The following PLD5 variants were observed in gnomAD, a reference collection of about 807,000 sequenced individuals.
The protein encoded by PLD5 is phospholipase D family member 5, also known as inactive phospholipase D5.
Under a neutral mutation model 61.1 loss-of-function variants are expected in PLD5, and 36 were observed. That is an observed-to-expected ratio of 0.59 (90% CI 0.45 to 0.78). PLD5 has a LOEUF of 0.78. Ranked by LOEUF, PLD5 falls within the 30% of genes least tolerant of loss-of-function variation. PLD5 has a pLI of 0.00. For synonymous variants in PLD5, 243 were observed against 242.8 expected (o/e 1.00, Z -0.01); for missense variants, 515 against 644.4 (o/e 0.80, Z 2.17).
At chr1:242,308,588 A>G (rs1676514679) in intron 2 of PLD5, among the ~76,000 whole-genome samples, 1 of 152,204 alleles carries the variant, frequency 6.6e-6, no homozygotes, top group African/African-American at 2.4e-5. Context: ...TATACTATAT[A>G]TATCAGAAAT....
chr1:242,204,166 C>A (rs1203189383), intron 5 of PLD5, among the ~76,000 whole-genome samples: 2 of 151,920 alleles, frequency 1.3e-5, no homozygotes, highest in African/African-American at 4.8e-5. Context: ...TGGCGTGAAC[C>A]CAGGAGGCGA....
At chr1:242,442,093 C>G (rs1666302106) in intron 1 of PLD5, among the ~76,000 whole-genome samples, 3 of 152,132 alleles carry the variant, frequency 2.0e-5, no homozygotes. Flanking sequence ...AGAACTCTTC[C>G]CCACAAAGGG....
At chr1:242,090,897 T>C (rs750890690) in intron 9 of PLD5, among the ~76,000 whole-genome samples, 1 of 152,116 alleles carries the variant, frequency 6.6e-6, no homozygotes, top group Non-Finnish European at 1.5e-5. Flanking sequence ...TATTTTCTTT[T>C]TATTTATGCT....
At chr1:242,248,330 C>G (rs1196933537) in intron 4 of PLD5, among the ~76,000 whole-genome samples, 1 of 152,044 alleles carries the variant, frequency 6.6e-6, no homozygotes, top group Non-Finnish European at 1.5e-5. Context: ...CTAATAATGT[C>G]ACACTGGACA....
chr1:242,275,596 A>G (rs534075276), intron 3 of PLD5, among the ~76,000 whole-genome samples: 18 of 152,312 alleles, frequency 1.2e-4, no homozygotes, highest in South Asian at 8.3e-4. Context: ...TACTAGTGAT[A>G]TTCAAGGAGA....
intron 2 of PLD5, among the ~76,000 whole-genome samples, chr1:242,319,928 C>A (rs1307590767): frequency 6.6e-6 from 1 of 152,124 alleles, no homozygotes; most frequent in Non-Finnish European, 1.5e-5. Flanking sequence ...ATCTACCACC[C>A]TTTAAAAAGA....
chr1:242,090,017 A>G lies in PLD5; in HGVS notation c.1448T>C (p.Ile483Thr), dbSNP rs1477864685. 1 of 1,614,232 alleles carries G rather than the reference A, an allele frequency of 6.2e-7. No individual in the cohort carries two copies. Among genetic ancestry groups the G allele is most frequent in the South Asian group, 1.1e-5 (1 of 91,086 alleles). ...TTCAAACACATCTTTAAGTTGCTTA[A>G]TGATGCTTCTGTTGTTCCTCACATC... Reference protein sequence around the residue: ...QADVRNNRSIIKQLKDVFERD... With the variant: ...QADVRNNRSITKQLKDVFERD... The change falls in exon 10 of 10, where the codon ATT becomes ACT. Residue 483 changes from isoleucine (I) to threonine (T), a missense_variant. This residue lies in a region of PLD5 where 450 missense variants were observed against 598.1 expected (regional missense o/e 0.75). Transcript: ENST00000536534.
intron 3 of PLD5, among the ~76,000 whole-genome samples, chr1:242,283,422 G>A (rs1674834855): frequency 6.6e-6 from 1 of 152,042 alleles, no homozygotes; most frequent in South Asian, 2.1e-4. Flanking sequence ...AAGACATCTG[G>A]GCTGCTTTTT....
At chr1:242,155,449 C>T (rs1385726935) in intron 5 of PLD5, among the ~76,000 whole-genome samples, 2 of 152,108 alleles carry the variant, frequency 1.3e-5, no homozygotes, top group African/African-American at 4.8e-5. Context: ...GTTAGGGTGT[C>T]AATTTTAGAT....
chr1:242,441,284 A>C (rs982788082), intron 1 of PLD5, among the ~76,000 whole-genome samples: 1 of 152,104 alleles, frequency 6.6e-6, no homozygotes, highest in African/African-American at 2.4e-5. Flanking sequence ...GATTTAACCT[A>C]CTGCCATTAG....
At chr1:242,272,104 G>C (rs979123185) in intron 3 of PLD5, among the ~76,000 whole-genome samples, 1 of 152,142 alleles carries the variant, frequency 6.6e-6, no homozygotes, top group African/African-American at 2.4e-5. Context: ...ACAATCAACA[G>C]GATAAACAAT....
chr1:242,333,536 T>A (rs1282780091), intron 2 of PLD5, among the ~76,000 whole-genome samples: 1 of 152,104 alleles, frequency 6.6e-6, no homozygotes, highest in African/African-American at 2.4e-5. Context: ...TACCAGGGAC[T>A]GGTTACGGGA....
At chr1:242,317,747 C>T (rs1302949788) in intron 2 of PLD5, among the ~76,000 whole-genome samples, 2 of 136,522 alleles carry the variant, frequency 1.5e-5, no homozygotes, top group African/African-American at 2.6e-5. Flanking sequence ...AAAAAAAAAA[C>T]CTGGCCATGT....
chr1:242,121,883 C>T (rs990100266), intron 6 of PLD5, among the ~76,000 whole-genome samples: 19 of 138,826 alleles, frequency 1.4e-4, no homozygotes, highest in African/African-American at 4.9e-4. Context: ...TAGGTGGGAA[C>T]TGAACAATGA....
At chr1:242,169,492 T>C (rs1666581904) in intron 5 of PLD5, among the ~76,000 whole-genome samples, 1 of 151,020 alleles carries the variant, frequency 6.6e-6, no homozygotes, top group Admixed American at 6.6e-5. Context: ...GCCCTGGGTT[T>C]CTGGGTGACC....
intron 7 of PLD5, among the ~76,000 whole-genome samples, chr1:242,113,049 G>A (rs1389298077): frequency 6.7e-6 from 1 of 148,302 alleles, no homozygotes; most frequent in East Asian, 2.0e-4. Context: ...GATTGACTGA[G>A]AACATAGATA....
In PLD5 at chr1:242,451,802, GA is replaced by G. The variant is rs2102924824; in HGVS notation, c.189+72285del. 1.3e-5 allele frequency among the ~76,000 whole-genome samples: 2 copies of G among 151,952 alleles called. 1 individual carries two copies. Among genetic ancestry groups the G allele is most frequent in the South Asian group, 4.2e-4 (2 of 4,786 alleles). ...AACCTACTGGCTGTAAGGTAAAACC[GA>G]GACTACTCTCCATGGTATTTAAGGT... is the stretch of plus-strand genomic sequence containing the variant. On this transcript the variant is annotated intron_variant, in intron 1 of 9. Coordinates refer to ENST00000536534, the MANE Select transcript of PLD5 (RefSeq NM_001372062.1).
intron 1 of PLD5, among the ~76,000 whole-genome samples, chr1:242,503,926 A>G (rs891331305): frequency 3.9e-5 from 6 of 152,260 alleles, no homozygotes; most frequent in Admixed American, 2.6e-4. Flanking sequence ...AACTCTTCAC[A>G]TTTTTTATGT....
intron 1 of PLD5, among the ~76,000 whole-genome samples, chr1:242,371,704 A>G (rs1661643438): frequency 1.3e-5 from 2 of 152,162 alleles, no homozygotes; most frequent in Admixed American, 6.5e-5. Flanking sequence ...CCTGCAGAAG[A>G]AATGATCCCT....
Sources: allele counts gnomAD v4.1 joint callset (sites outside exome capture counted in the v4.1 genomes callset), GRCh38; gene constraint gnomAD v4.1.1; regional missense constraint gnomAD v4.1.1; transcripts MANE v1.5; gene names NCBI Gene and HGNC (gene_info 2026-07-23, HGNC 2026-07-21).